The following RUFY2 variants were observed in gnomAD, a reference collection of about 807,000 sequenced individuals.
The protein encoded by RUFY2 is RUN and FYVE domain-containing protein 2.
A neutral mutation model predicts 94.4 loss-of-function variants in RUFY2; 49 were observed. The ratio of observed to expected loss-of-function variants is 0.52; its 90% confidence interval spans 0.41 to 0.66. The LOEUF is 0.66. RUFY2 is among the 30% of genes least tolerant of loss of function. The pLI is 0.00. For synonymous variants in RUFY2, 255 were observed against 235.7 expected (o/e 1.08, Z -0.75); for missense variants, 541 against 692.8 (o/e 0.78, Z 2.46).
chr10:68,346,112 A>G, intron 16 of RUFY2, 28 bp from the exon 17 acceptor site: 1 of 1,539,756 alleles, frequency 6.5e-7, no homozygotes, highest in Admixed American at 1.8e-5. Context: ...TTAATGCTCA[A>G]ATTGGTAACA....
At chr10:68,365,575 G>T (rs1423516884) in intron 13 of RUFY2, among the ~76,000 whole-genome samples, 1 of 152,092 alleles carries the variant, frequency 6.6e-6, no homozygotes, top group Non-Finnish European at 1.5e-5. Flanking sequence ...TGTAAAATTG[G>T]GCAAAGAATT....
intron 13 of RUFY2, among the ~76,000 whole-genome samples, chr10:68,366,672 G>T (rs1229510462): frequency 2.0e-5 from 3 of 147,412 alleles, no homozygotes; most frequent in African/African-American, 7.5e-5. Flanking sequence ...AACCTTGGAG[G>T]TAGAGGTTGC....
intron 15 of RUFY2, 120 bp downstream of exon 15, chr10:68,363,470 G>A (rs540727803): frequency 1.5e-5 from 9 of 603,864 alleles, no homozygotes; most frequent in Admixed American, 3.5e-5. Flanking sequence ...GTGAACCACC[G>A]CGCCCGGCCT....
intron 13 of RUFY2, among the ~76,000 whole-genome samples, chr10:68,369,462 G>T (rs1330109477): frequency 2.7e-5 from 4 of 148,612 alleles, no homozygotes; most frequent in Non-Finnish European, 4.4e-5. Flanking sequence ...TACAGCCTGG[G>T]CAACAGAGCC....
intron 13 of RUFY2, among the ~76,000 whole-genome samples, chr10:68,374,748 T>C (rs1333928545): frequency 6.6e-6 from 1 of 152,184 alleles, no homozygotes; most frequent in East Asian, 1.9e-4. Flanking sequence ...CTATTTTCCA[T>C]TGTTGTTTTC....
chr10:68,358,001 A>G (rs2047177632), intron 15 of RUFY2, among the ~76,000 whole-genome samples: 1 of 152,114 alleles, frequency 6.6e-6, no homozygotes, highest in Non-Finnish European at 1.5e-5. Flanking sequence ...CAGCCTGGCC[A>G]ACATGGTGAA....
Position 68,343,898 on chromosome 10 carries a change from A to G in RUFY2, c.*1870T>C, listed in dbSNP as rs891106288. On this transcript the variant is annotated 3_prime_UTR_variant, in exon 18 of 18. Coordinates refer to ENST00000602465, the MANE Select transcript of RUFY2 (RefSeq NM_001330103.2). The stretch of plus-strand genomic sequence containing the variant: ...AGAAACTTACTTAAAGGATGACAAA[A>G]TCATGGTTTGTTGAATGAAATTAGC... 6.6e-6 allele frequency: 1 copy of G among 151,986 alleles called. No individual in the cohort carries two copies. The highest frequency in any genetic ancestry group is 2.4e-5 in the African/African-American group (1 of 41,400). 9.4% of individuals were successfully genotyped at this position (151,986 alleles called of 1,614,324 possible). A position where few individuals can be genotyped will look rare whatever the true frequency, so the allele number is the denominator to read the frequency against.
chr10:68,361,725 A>T (rs2047475079), intron 15 of RUFY2, among the ~76,000 whole-genome samples: 1 of 152,228 alleles, frequency 6.6e-6, no homozygotes, highest in Non-Finnish European at 1.5e-5. Context: ...TTATCTCTTA[A>T]TGGAATCCCA....
chr10:68,389,492 A>C (rs2049813504), intron 7 of RUFY2, among the ~76,000 whole-genome samples: 1 of 152,062 alleles, frequency 6.6e-6, no homozygotes, highest in Non-Finnish European at 1.5e-5. Context: ...CAGGAGCCTG[A>C]GGCAGGAGAA....
chr10:68,386,322 A>G (rs1053638556), intron 7 of RUFY2, among the ~76,000 whole-genome samples, 194 bp from the exon 8 acceptor site: 4 of 152,090 alleles, frequency 2.6e-5, no homozygotes, highest in African/African-American at 9.7e-5. Flanking sequence ...TAGCAAAATA[A>G]TATTTGTATT....
chr10:68,346,309 G>A (rs575932328), intron 16 of RUFY2: 51 of 438,694 alleles, frequency 1.2e-4, no homozygotes, highest in African/African-American at 9.0e-4. Context: ...CAAGATTGCA[G>A]CCAGGCGACA....
intron 17 of RUFY2, 31 bp downstream of exon 17, chr10:68,345,976 A>T: frequency 6.2e-7 from 1 of 1,612,378 alleles, no homozygotes; most frequent in South Asian, 1.1e-5. Context: ...TTGCACTCCA[A>T]ATTTTTGGAC....
intron 16 of RUFY2, among the ~76,000 whole-genome samples, chr10:68,355,123 G>A (rs553935930): frequency 5.3e-5 from 8 of 152,164 alleles, no homozygotes; most frequent in Admixed American, 2.0e-4. Flanking sequence ...CTCGGATTAC[G>A]GGCGTGAGCC....
At chr10:68,395,885 C>A (rs1425604761) in intron 4 of RUFY2, among the ~76,000 whole-genome samples, 1 of 152,234 alleles carries the variant, frequency 6.6e-6, no homozygotes, top group East Asian at 1.9e-4. Context: ...TCCACAACAT[C>A]AGAGAGGCAC....
At chr10:68,377,004 C>T in intron 12 of RUFY2, 32 bp from the exon 13 acceptor site, 1 of 1,612,396 alleles carries the variant, frequency 6.2e-7, no homozygotes, top group South Asian at 1.1e-5. Context: ...TTGGGTAAAA[C>T]TGAGGCTAGA....
At chr10:68,377,581 A>C (rs2048763190) in intron 12 of RUFY2, 1 of 985,284 alleles carries the variant, frequency 1.0e-6, no homozygotes, top group South Asian at 4.7e-5. Context: ...GCCAGTTGGC[A>C]TCATTTGCTA....
intron 16 of RUFY2, among the ~76,000 whole-genome samples, chr10:68,353,833 AT>A (rs2046865266): frequency 2.6e-5 from 4 of 151,662 alleles, no homozygotes; most frequent in South Asian, 2.1e-4. Context: ...TAAATAAAAA[AT>A]ATATATATAA....
intron 3 of RUFY2, among the ~76,000 whole-genome samples, chr10:68,400,172 T>C (rs1380657178): frequency 6.6e-6 from 1 of 151,676 alleles, no homozygotes; most frequent in Non-Finnish European, 1.5e-5. Context: ...ATTAGCCAGG[T>C]ATGGATGGTG....
At chr10:68,354,640 A>G (rs748088975) in intron 16 of RUFY2, among the ~76,000 whole-genome samples, 42 of 152,140 alleles carry the variant, frequency 2.8e-4, no homozygotes, top group Non-Finnish European at 4.3e-4. Context: ...TAACCTACTC[A>G]ATATTCAGAG....
Sources: gnomAD v4.1 joint callset for allele counts (sites outside exome capture counted in the v4.1 genomes callset) on GRCh38, gnomAD v4.1.1 for gene constraint, MANE v1.5 for transcripts, NCBI Gene and HGNC (gene_info 2026-07-23, HGNC 2026-07-21) for gene names.